Variants in TRIM9 observed in about 807,000 individuals in gnomAD.
The protein encoded by TRIM9 is tripartite motif containing 9.
A neutral mutation model predicts 78.3 loss-of-function variants in TRIM9; 26 were observed. The observed-to-expected ratio is 0.33, with a 90% CI of 0.24 to 0.46. The LOEUF is 0.46. Among genes scored for constraint, TRIM9 ranks in the 20% least tolerant of loss-of-function variants. The probability of loss-of-function intolerance (pLI) is 1.00; values close to 1 mark genes in which losing one functional copy is unlikely to be tolerated. For synonymous variants in TRIM9, 398 were observed against 416.5 expected (o/e 0.96, Z 0.54); for missense variants, 787 against 1,036.4 (o/e 0.76, Z 3.30).
At chr14:50,991,964 T>C (rs927808834) in intron 7 of TRIM9, among the ~76,000 whole-genome samples, 2 of 152,196 alleles carry the variant, frequency 1.3e-5, no homozygotes, top group Non-Finnish European at 2.9e-5. Context: ...GTAAAGCTTA[T>C]GCCACTGGCC....
intron 1 of TRIM9, among the ~76,000 whole-genome samples, chr14:51,043,148 A>G (rs538149783): frequency 6.6e-6 from 1 of 152,352 alleles, no homozygotes; most frequent in South Asian, 2.1e-4. Context: ...TACTTAGAAT[A>G]TCACCTTTTG....
Position 51,025,345 on chromosome 14 carries a change from C to T in TRIM9, c.838G>A (p.Ala280Thr). Residue 280 changes from alanine to threonine, a missense_variant, in exon 2 of 13, where the codon GCG (alanine) becomes ACG (threonine). Ala to Thr is a moderately conservative substitution (Grantham distance 58). Coordinates refer to ENST00000684578, the MANE Select transcript of TRIM9 (RefSeq NM_001387360.1). ...GCCCTGTCTGACAGTCCGTTCAGCG[C>T]CTGGGAGAGCTGGCTCTGCAAAGAC... is the stretch of plus-strand genomic sequence containing the variant. ...WKLHKSQLSQ[A>T]LNGLSDRAKE... is the part of the protein sequence containing the mutation. The T allele has an allele frequency of 1.2e-6, 2 of 1,614,136 alleles. No individual in the cohort carries two copies. Among genetic ancestry groups the T allele is most frequent in the Non-Finnish European group, 1.7e-6 (2 of 1,180,030 alleles).
At chr14:51,080,841 C>T (rs1239782681) in intron 1 of TRIM9, among the ~76,000 whole-genome samples, 4 of 152,194 alleles carry the variant, frequency 2.6e-5, no homozygotes, top group African/African-American at 9.6e-5. Flanking sequence ...GGAACAGCTG[C>T]TATATCCAGG....
chr14:50,997,375 G>A (rs984948999), intron 7 of TRIM9: 1 of 985,382 alleles, frequency 1.0e-6, no homozygotes, highest in Non-Finnish European at 1.2e-6. Flanking sequence ...CGGTAGCCTA[G>A]CCAAGACTGA....
intron 1 of TRIM9, among the ~76,000 whole-genome samples, chr14:51,049,378 G>C (rs2060209797): frequency 6.6e-6 from 1 of 152,214 alleles, no homozygotes; most frequent in Admixed American, 6.5e-5. Context: ...TGTGCGTGCA[G>C]TGGAGTCTTG....
chr14:51,093,407 C>T (rs2064584763), intron 1 of TRIM9, among the ~76,000 whole-genome samples: 1 of 152,232 alleles, frequency 6.6e-6, no homozygotes. Context: ...GCCGCGACTG[C>T]GCAAACTCCG....
chr14:51,061,155 G>C (rs111816247), intron 1 of TRIM9, among the ~76,000 whole-genome samples: 3 of 152,152 alleles, frequency 2.0e-5, no homozygotes, highest in African/African-American at 7.2e-5. Flanking sequence ...GCTCACGCCT[G>C]TAATCCCAGC....
At chr14:51,016,989 G>T (rs997609545) in intron 3 of TRIM9, among the ~76,000 whole-genome samples, 2 of 152,152 alleles carry the variant, frequency 1.3e-5, no homozygotes, top group Non-Finnish European at 2.9e-5. Flanking sequence ...GTCCCATTGT[G>T]TCCTAAAGCA....
chr14:51,082,402 C>T (rs923473947), intron 1 of TRIM9, among the ~76,000 whole-genome samples: 1 of 152,104 alleles, frequency 6.6e-6, no homozygotes, highest in Admixed American at 6.5e-5. Context: ...ATATGCAATA[C>T]AATAGGATAT....
intron 1 of TRIM9, among the ~76,000 whole-genome samples, chr14:51,060,804 C>T (rs1487394844): frequency 6.6e-6 from 1 of 152,086 alleles, no homozygotes; most frequent in African/African-American, 2.4e-5. Context: ...TTGATTCTTA[C>T]ATGATTGCAT....
intron 1 of TRIM9, among the ~76,000 whole-genome samples, chr14:51,040,935 T>C (rs2059536143): frequency 6.6e-6 from 1 of 152,264 alleles, no homozygotes; most frequent in Non-Finnish European, 1.5e-5. Context: ...CTGAGAGATC[T>C]CAAATAGCTT....
At chr14:51,078,006 T>C (rs1478633764) in intron 1 of TRIM9, among the ~76,000 whole-genome samples, 1 of 152,218 alleles carries the variant, frequency 6.6e-6, no homozygotes, top group Non-Finnish European at 1.5e-5. Flanking sequence ...AGCAACCAAG[T>C]AAACCTGAAG....
intron 2 of TRIM9, 114 bp from the exon 3 acceptor site, chr14:51,023,071 G>T: frequency 7.3e-7 from 1 of 1,371,420 alleles, no homozygotes; most frequent in Non-Finnish European, 9.9e-7. Context: ...TGTCCACAAT[G>T]CACATTTGGT....
chr14:51,059,513 T>A (rs2061158541), intron 1 of TRIM9, among the ~76,000 whole-genome samples: 1 of 145,858 alleles, frequency 6.9e-6, no homozygotes, highest in Non-Finnish European at 1.5e-5. Flanking sequence ...AACAAAAACC[T>A]GCTTGGCTGG....
At chr14:51,060,946 C>A (rs1370540343) in intron 1 of TRIM9, among the ~76,000 whole-genome samples, 1 of 152,248 alleles carries the variant, frequency 6.6e-6, no homozygotes, top group Admixed American at 6.5e-5. Flanking sequence ...TTCTTTCTAA[C>A]ATTTGCTACT....
intron 2 of TRIM9, 32 bp from the exon 3 acceptor site, chr14:51,022,989 G>A (rs762021017): frequency 6.2e-7 from 1 of 1,611,204 alleles, no homozygotes; most frequent in South Asian, 1.1e-5. Flanking sequence ...TCAACTGCAA[G>A]CTGCTGGGTG....
intron 3 of TRIM9, among the ~76,000 whole-genome samples, chr14:51,017,580 C>A (rs189546157): frequency 6.6e-6 from 1 of 152,300 alleles, no homozygotes. Flanking sequence ...GCAGTCCCAA[C>A]CACACAGGAG....
At chr14:51,056,790 T>C (rs1346994459) in intron 1 of TRIM9, among the ~76,000 whole-genome samples, 2 of 152,268 alleles carry the variant, frequency 1.3e-5, no homozygotes, top group Non-Finnish European at 2.9e-5. Context: ...CTTATATCTT[T>C]CTTTTCTCTA....
At chr14:51,027,262 G>A (rs563455003) in intron 1 of TRIM9, among the ~76,000 whole-genome samples, 103 of 146,558 alleles carry the variant, frequency 7.0e-4, no homozygotes, top group Admixed American at 1.9e-3. Flanking sequence ...TCCTGCCTCA[G>A]CCTCCCGAAT....
Sources: allele counts gnomAD v4.1 joint callset (sites outside exome capture counted in the v4.1 genomes callset), GRCh38; gene constraint gnomAD v4.1.1; transcripts MANE v1.5; gene names NCBI Gene and HGNC (gene_info 2026-07-23, HGNC 2026-07-21).